Variants in LLGL2 observed in about 807,000 individuals in gnomAD.
The protein encoded by LLGL2 is LLGL scribble cell polarity complex component 2.
LLGL2 carries 81 observed loss-of-function variants against 123.2 expected under a neutral mutation model. The observed-to-expected ratio is 0.66, with a 90% CI of 0.55 to 0.79. The LOEUF (loss-of-function observed/expected upper bound fraction) is 0.79, where lower values mean the gene tolerates loss of function less well. Among genes scored for constraint, LLGL2 ranks in the 30% least tolerant of loss-of-function variants. LLGL2 has a pLI of 0.00. For synonymous variants in LLGL2, 577 were observed against 594.1 expected (o/e 0.97, Z 0.42); for missense variants, 1,273 against 1,414.6 (o/e 0.90, Z 1.61).
chr17:75,538,456 T>C (rs1350423452), intron 1 of LLGL2: 3 of 152,182 alleles, frequency 2.0e-5, no homozygotes, highest in Non-Finnish European at 4.4e-5. Flanking sequence ...CCCCAAGTTG[T>C]CTGTGGCTGG....
intron 1 of LLGL2, among the ~76,000 whole-genome samples, chr17:75,528,984 G>C (rs1031372616): frequency 6.6e-6 from 1 of 150,968 alleles, no homozygotes; most frequent in African/African-American, 2.4e-5. Flanking sequence ...CAGTGAAACC[G>C]GTCTCTACTT....
chr17:75,570,484 G>A lies in LLGL2; in HGVS notation c.2011G>A (p.Gly671Ser). ...GTCCAGCCGGAAGCGGCACCCGGCT[G>A]GCCCCCCAGGAGAGGTGAGGCCTGA... ...RVSSRKRHPA[G>S]PPGEAQEGSA... Residue 671 changes from glycine (G) to serine (S), a missense_variant, in exon 16 of 26, where the codon GGC (glycine) becomes AGC (serine). Physicochemically the swap from Gly to Ser is moderately conservative, Grantham distance 56 (BLOSUM62 0). Transcript: ENST00000392550. 6.3e-7 allele frequency: 1 copy of A among 1,575,220 alleles called. No individual in the cohort carries two copies. Among genetic ancestry groups the A allele is most frequent in the Non-Finnish European group, 8.6e-7 (1 of 1,161,668 alleles).
chr17:75,555,917 G>A (rs574356961), intron 2 of LLGL2, 129 bp from the exon 3 acceptor site: 9 of 679,732 alleles, frequency 1.3e-5, no homozygotes, highest in African/African-American at 7.0e-5. Flanking sequence ...ACACTCAGGT[G>A]TCTGGGAGGA....
intron 16 of LLGL2, among the ~76,000 whole-genome samples, 181 bp from the exon 17 acceptor site, chr17:75,570,769 G>A (rs2055668078): frequency 9.9e-5 from 15 of 152,192 alleles, no homozygotes; most frequent in Admixed American, 9.8e-4. Flanking sequence ...CATGCTGGGG[G>A]CCCAGGCAGG....
intron 1 of LLGL2, among the ~76,000 whole-genome samples, chr17:75,535,753 C>G (rs1307979518): frequency 6.6e-6 from 1 of 152,198 alleles, no homozygotes; most frequent in African/African-American, 2.4e-5. Flanking sequence ...TTCTTGAGCT[C>G]TTGAGATGGA....
In LLGL2 at chr17:75,563,043, T is replaced by C; in HGVS notation, c.558T>C (p.Arg186=). The part of the protein sequence containing the change: ...QRLPEEARHR[R]VFEMVEALQE... The stretch of plus-strand genomic sequence containing the variant: ...TGCCAGAGGAGGCCCGCCACCGGCG[T>C]GTGTTCGAGATGGTGGAGGCACTGC... The change falls in exon 7 of 26, where the codon CGT becomes CGC. Residue 186 remains arginine (R), a synonymous_variant. Coordinates refer to ENST00000392550, the MANE Select transcript of LLGL2 (RefSeq NM_001031803.2). 2.5e-6 allele frequency: 4 copies of C among 1,612,714 alleles called. No homozygotes were observed. In the South Asian group the frequency reaches 4.4e-5, roughly 18 times the overall value.
intron 21 of LLGL2, 81 bp downstream of exon 21, chr17:75,573,712 C>T (rs2055840011): frequency 7.2e-7 from 1 of 1,382,494 alleles, no homozygotes; most frequent in Non-Finnish European, 9.7e-7. Context: ...CCCACTGCTG[C>T]CTGGCTGGAG....
In LLGL2 at chr17:75,575,016, C is replaced by T; in HGVS notation, c.*138C>T. ...CATCCCGGCTTCCACAATGCAGCTG[C>T]TCTGGGCCTCGGGAGAGGAGAGACC... On this transcript the variant is annotated 3_prime_UTR_variant, in exon 26 of 26. Coordinates refer to ENST00000392550, the MANE Select transcript of LLGL2 (RefSeq NM_001031803.2). The T allele has an allele frequency of 8.1e-7, 1 of 1,241,234 alleles. No homozygotes were observed. 76.9% of individuals were successfully genotyped at this position (1,241,234 alleles called of 1,614,324 possible).
chr17:75,570,239 C>A lies in LLGL2; in HGVS notation c.1858C>A (p.Arg620=), dbSNP rs770573752. ...GFGLFDHQQR[R]QVFVKCTLHP... ...TGGCCTCTTTGACCACCAGCAGCGG[C>A]GGCAGGTCTTTGTTAAGTGAGCAGG... Residue 620 remains arginine (R), a synonymous_variant, in exon 15 of 26, where the codon CGG becomes AGG. Transcript: ENST00000392550. 1 of 1,601,104 alleles carries A rather than the reference C, an allele frequency of 6.2e-7. No homozygotes were observed. Among genetic ancestry groups the A allele is most frequent in the Non-Finnish European group, 8.5e-7 (1 of 1,174,210 alleles).
intron 1 of LLGL2, among the ~76,000 whole-genome samples, chr17:75,539,160 C>T (rs1371854675): frequency 6.6e-6 from 1 of 151,946 alleles, no homozygotes; most frequent in Non-Finnish European, 1.5e-5. Flanking sequence ...CCAGGCTCAG[C>T]AATCCTTCCA....
chr17:75,541,204 G>A lies in LLGL2; in HGVS notation c.-30-2193G>A, dbSNP rs72851955. Among the ~76,000 whole-genome samples the A allele has an allele frequency of 4.1e-3, 623 of 152,300 alleles. 3 individuals carry two copies. Among genetic ancestry groups the A allele is most frequent in the Admixed American group, 0.013 (206 of 15,302 alleles). On this transcript the variant is annotated intron_variant, in intron 1 of 25. Transcript: ENST00000392550. ...TAAGCCTGTGTGGAGTCTTTGGCAC[G>A]GATGGCCCTGTGCCCTCTTGTCCCC...
Position 75,558,163 on chromosome 17 carries a change from C to T in LLGL2, c.182C>T (p.Ala61Val), listed in dbSNP as rs761207269. 6.2e-6 allele frequency: 10 copies of T among 1,613,758 alleles called. No homozygotes were observed. The highest frequency in any genetic ancestry group is 8.5e-6 in the Non-Finnish European group (10 of 1,179,900). ...CCTGAGCCTACTCCTAGCTACGGAG[C>T]CCCAGGCGTGGAGTTCATGGGGCTG... ...TRSGAIKLYG[A>V]PGVEFMGLHQ... The change falls in exon 4 of 26, where the codon GCC becomes GTC. Residue 61 changes from alanine (A) to valine (V), a missense_variant. Physicochemically the swap from Ala to Val is moderately conservative, Grantham distance 64. Transcript: ENST00000392550. The surrounding 1 kb of genome is among the most constrained non-coding windows in gnomAD (Gnocchi z 4.0).
At chr17:75,566,824 C>A (rs142470614) in intron 10 of LLGL2, among the ~76,000 whole-genome samples, 221 of 152,288 alleles carry the variant, frequency 1.5e-3, no homozygotes, top group African/African-American at 4.9e-3. Context: ...CTTAATGTCT[C>A]CTCTGATCTC....
At position 75,559,293 on chromosome 17, in the gene LLGL2, A is replaced by AT; in HGVS notation, c.415dup (p.Ser139PhefsTer113). The AT allele has an allele frequency of 2.5e-6, 4 of 1,612,956 alleles. No individual in the cohort carries two copies. The highest frequency in any genetic ancestry group is 2.5e-6 in the Non-Finnish European group (3 of 1,179,822). On this transcript the variant is annotated frameshift_variant, in exon 6 of 26. Coordinates refer to ENST00000392550, the MANE Select transcript of LLGL2 (RefSeq NM_001031803.2). LOFTEE classifies it high-confidence loss of function. This position sits in a 1 kb window ranked among gnomAD's most constrained non-coding sequence, Gnocchi z 4.6. Reference sequence around the variant, plus strand: ...ACACAGATCACCGTGGTCCTGCCACATTCCTCCTGCGAGCTGCTCTACCTG... The same window carrying AT: ...ACACAGATCACCGTGGTCCTGCCACATTTCCTCCTGCGAGCTGCTCTACCTG...
At chr17:75,557,425 G>A (rs1266156133) in intron 3 of LLGL2, among the ~76,000 whole-genome samples, 1 of 152,174 alleles carries the variant, frequency 6.6e-6, no homozygotes, top group Non-Finnish European at 1.5e-5. Flanking sequence ...CAGAGCACTG[G>A]TTCTGGCCGA....
Position 75,575,014 on chromosome 17 carries a change from T to C in LLGL2, c.*136T>C. 8.0e-7 allele frequency: 1 copy of C among 1,253,742 alleles called. No homozygotes were observed. The highest frequency in any genetic ancestry group is 1.5e-5 in the African/African-American group (1 of 67,884). 77.7% of individuals were successfully genotyped at this position (1,253,742 alleles called of 1,614,324 possible). A position where few individuals can be genotyped will look rare whatever the true frequency, so the allele number is the denominator to read the frequency against. On this transcript the variant is annotated 3_prime_UTR_variant, in exon 26 of 26. Coordinates refer to ENST00000392550, the MANE Select transcript of LLGL2 (RefSeq NM_001031803.2). ...GGCATCCCGGCTTCCACAATGCAGC[T>C]GCTCTGGGCCTCGGGAGAGGAGAGA...
intron 3 of LLGL2, chr17:75,557,764 A>C: frequency 2.9e-6 from 1 of 341,204 alleles, no homozygotes; most frequent in Non-Finnish European, 5.8e-6. Context: ...GCCAAGACTA[A>C]TGGGCCAAGG....
chr17:75,544,800 G>C lies in LLGL2; in HGVS notation c.75+1299G>C, dbSNP rs2054354166. ...GTTTCTTAGCCTGTGGGAGGAGTTGGTGTCCCTGATGGAGCTTTGCCACGA... is the reference window on the plus strand; with the variant it reads ...GTTTCTTAGCCTGTGGGAGGAGTTGCTGTCCCTGATGGAGCTTTGCCACGA... On this transcript the variant is annotated intron_variant, in intron 2 of 25. Coordinates refer to ENST00000392550, the MANE Select transcript of LLGL2 (RefSeq NM_001031803.2). The surrounding 1 kb of genome is among the most constrained non-coding windows in gnomAD (Gnocchi z 4.2). Among the ~76,000 whole-genome samples the C allele has an allele frequency of 1.3e-5, 2 of 152,176 alleles. No homozygotes were observed. Among genetic ancestry groups the C allele is most frequent in the South Asian group, 4.1e-4 (2 of 4,830 alleles).
chr17:75,541,522 T>C lies in LLGL2; in HGVS notation c.-30-1875T>C, dbSNP rs551896770. Among the ~76,000 whole-genome samples the C allele has an allele frequency of 1.2e-4, 19 of 152,284 alleles. No individual in the cohort carries two copies. The South Asian group carries it at 3.7e-3, about 30-fold the overall frequency. On this transcript the variant is annotated intron_variant, in intron 1 of 25. Coordinates refer to ENST00000392550, the MANE Select transcript of LLGL2 (RefSeq NM_001031803.2). ...GGGCCCTAGGAGTTTCCCGGCCACC[T>C]GCTCTTCCCCAGCAAAGTGGGATCC...
Sources: gnomAD v4.1 joint callset for allele counts (sites outside exome capture counted in the v4.1 genomes callset) on GRCh38, gnomAD v4.1.1 for gene constraint, Gnocchi (gnomAD v3.1) non-coding constraint, MANE v1.5 for transcripts, NCBI Gene and HGNC (gene_info 2026-07-23, HGNC 2026-07-21) for gene names.